NIPAL4: variants seen among roughly 807,000 people sequenced by gnomAD.
The protein encoded by NIPAL4 is NIPA like domain containing 4.
NIPAL4 carries 21 observed loss-of-function variants against 31.6 expected under a neutral mutation model. That is an observed-to-expected ratio of 0.67 (90% confidence interval 0.47 to 0.96). NIPAL4 has a LOEUF of 0.96. Ranked by LOEUF, NIPAL4 falls within the 40% of genes least tolerant of loss-of-function variation. The pLI is 0.00. For missense variants in NIPAL4, 438 were observed against 508.0 expected (o/e 0.86, Z 1.32); for synonymous variants, 175 against 211.1 (o/e 0.83, Z 1.48).
chr5:157,460,465 G>A lies in NIPAL4; in HGVS notation c.37+108G>A, dbSNP rs77243217. 114,770 of 1,134,938 alleles carry A rather than the reference G, an allele frequency of 0.1. 6,645 individuals carry two copies. Among genetic ancestry groups the A allele is most frequent in the South Asian group, 0.2 (14,889 of 75,940 alleles). The allele number at this position is 1,134,938 out of a possible 1,614,324, so 70.3% of individuals were successfully genotyped here. A position where few individuals can be genotyped will look rare whatever the true frequency, so the allele number is the denominator to read the frequency against. Reference sequence around the variant, plus strand: ...TCCTCCCAGGGGGGCCAAAGCTGGGGAGGGGCAGGGCCAGCACGAGGTGGC... The same window carrying A: ...TCCTCCCAGGGGGGCCAAAGCTGGGAAGGGGCAGGGCCAGCACGAGGTGGC... On this transcript the variant is annotated intron_variant, in intron 1 of 5. Transcript: ENST00000311946.
chr5:157,463,375 G>A, intron 2 of NIPAL4, 42 bp downstream of exon 2: 4 of 1,557,690 alleles, frequency 2.6e-6, no homozygotes, highest in Non-Finnish European at 3.5e-6. Context: ...CAGGGCAGCT[G>A]AGCTCTCACA....
rs1280851920 is a variant in NIPAL4 at position 157,474,443 on chromosome 5, CCT to C, written c.*1484_*1485del. On this transcript the variant is annotated 3_prime_UTR_variant, in exon 6 of 6. Transcript: ENST00000311946. ...GCCCCGAGGTTGGTGCAGGGCCTCC[CCT>C]GTGTGACTCTACCTGCACTCTGTGT... 1 of 152,202 alleles carries C rather than the reference CCT, an allele frequency of 6.6e-6. No individual in the cohort carries two copies. The highest frequency in any genetic ancestry group is 1.5e-5 in the Non-Finnish European group (1 of 68,048). The allele number at this position is 152,202 out of a possible 1,614,324, so 9.4% of individuals were successfully genotyped here.
chr5:157,461,095 G>A (rs1754092611), intron 1 of NIPAL4, among the ~76,000 whole-genome samples: 1 of 120,112 alleles, frequency 8.3e-6, no homozygotes, highest in South Asian at 2.4e-4. Flanking sequence ...CCTTGTCTTG[G>A]AACTGCAGGC....
chr5:157,472,575 C>A lies in NIPAL4; in HGVS notation c.830C>A (p.Thr277Asn). The change falls in exon 6 of 6, where the codon ACT (threonine) becomes AAT (asparagine). Residue 277 changes from threonine (T) to asparagine (N), a missense_variant. Physicochemically the swap from Thr to Asn is moderately conservative, Grantham distance 65. Transcript: ENST00000311946. ...LSLILALSLS[T>N]QVNFLNRALD... ...CTCATCCTGGCACTGTCCCTCAGCA[C>A]TCAGGTCAACTTCCTCAACAGAGCA... 6.2e-7 allele frequency: 1 copy of A among 1,613,950 alleles called. No individual in the cohort carries two copies.
intron 1 of NIPAL4, among the ~76,000 whole-genome samples, chr5:157,461,761 G>A (rs1754117750): frequency 6.6e-6 from 1 of 152,234 alleles, no homozygotes; most frequent in Non-Finnish European, 1.5e-5. Context: ...GCTGGATCCA[G>A]ATCTTTCACC....
At chr5:157,468,906 A>G in intron 4 of NIPAL4, 94 bp downstream of exon 4, 1 of 810,168 alleles carries the variant, frequency 1.2e-6, no homozygotes, top group South Asian at 1.8e-5. Context: ...CCACTTGGCA[A>G]TCAGGGACCT....
intron 1 of NIPAL4, among the ~76,000 whole-genome samples, 158 bp from the exon 2 acceptor site, chr5:157,462,936 C>T (rs1408372150): frequency 6.6e-6 from 1 of 152,212 alleles, no homozygotes; most frequent in East Asian, 1.9e-4. Context: ...CTAGCGTAAG[C>T]ACTCACTGAA....
Position 157,463,245 on chromosome 5 carries a change from ATTCCTGTCTAGC to A in NIPAL4, c.195_206del (p.Ser66_Leu69del). The A allele has an allele frequency of 6.2e-7, 1 of 1,614,028 alleles. No homozygotes were observed. The highest frequency in any genetic ancestry group is 8.5e-7 in the Non-Finnish European group (1 of 1,179,888). Reference sequence around the variant, plus strand: ...GCTTCTACATCGGCCTGGGCCTGGCATTCCTGTCTAGCTTCCTCATCGGCAGCAGCGTCATCC... The same window carrying A: ...GCTTCTACATCGGCCTGGGCCTGGCATTCCTCATCGGCAGCAGCGTCATCC... On this transcript the variant is annotated inframe_deletion, in exon 2 of 6. Transcript: ENST00000311946.
rs1258173126 is a variant in NIPAL4 at position 157,460,324 on chromosome 5, G to A, written c.4G>A (p.Glu2Lys). The A allele has an allele frequency of 6.5e-7, 1 of 1,548,052 alleles. No homozygotes were observed. The highest frequency in any genetic ancestry group is 1.2e-5 in the South Asian group (1 of 83,990). Residue 2 changes from glutamate (E) to lysine (K), a missense_variant, in exon 1 of 6, where the codon GAG becomes AAG. By Grantham distance (56) the Glu-to-Lys change is moderately conservative (BLOSUM62 1). Transcript: ENST00000311946. M[E>K]LRVSNTSCEN... Reference sequence around the variant, plus strand: ...CGGTTCGTGTGCCCCGGGCCCCATGGAGCTGCGGGTCAGCAACACCAGCTG... The same window carrying A: ...CGGTTCGTGTGCCCCGGGCCCCATGAAGCTGCGGGTCAGCAACACCAGCTG...
intron 2 of NIPAL4, among the ~76,000 whole-genome samples, chr5:157,464,807 G>C (rs987050371): frequency 6.6e-6 from 1 of 152,106 alleles, no homozygotes; most frequent in South Asian, 2.1e-4. Context: ...AGACTATTAG[G>C]GTTCTAATTC....
chr5:157,470,581 G>A (rs894580731), intron 4 of NIPAL4, among the ~76,000 whole-genome samples: 12 of 152,192 alleles, frequency 7.9e-5, no homozygotes, highest in African/African-American at 2.7e-4. Flanking sequence ...TAGACGGGAA[G>A]TTCCTAGCAC....
At chr5:157,471,627 C>G (rs905510751) in intron 4 of NIPAL4, 30 bp from the exon 5 acceptor site, 2 of 1,582,318 alleles carry the variant, frequency 1.3e-6, no homozygotes, top group African/African-American at 1.3e-5. Flanking sequence ...CATGGCTGCT[C>G]TAATCCCCTT....
At chr5:157,463,650 C>T (rs910059481) in intron 2 of NIPAL4, among the ~76,000 whole-genome samples, 3 of 152,138 alleles carry the variant, frequency 2.0e-5, no homozygotes, top group Non-Finnish European at 4.4e-5. Context: ...TGGTCTTGGT[C>T]TTACTTCCCA....
At chr5:157,466,466 AG>A in intron 2 of NIPAL4, among the ~76,000 whole-genome samples, 1 of 152,352 alleles carries the variant, frequency 6.6e-6, no homozygotes, top group East Asian at 1.9e-4. Flanking sequence ...TGCCATGAAA[AG>A]AAAAATAGGT....
At chr5:157,467,910 A>T (rs6878502) in intron 3 of NIPAL4, 119,034 of 151,990 alleles carry the variant, frequency 0.78, 46,919 homozygotes, top group East Asian at 0.91. Flanking sequence ...TTAATTAATT[A>T]ATTTATTTAT....
At chr5:157,471,221 G>C (rs10037184) in intron 4 of NIPAL4, among the ~76,000 whole-genome samples, 3,321 of 152,230 alleles carry the variant, frequency 0.022, 132 homozygotes, top group African/African-American at 0.075. Flanking sequence ...CTTAGAACCT[G>C]GTGACCCTGG....
intron 1 of NIPAL4, chr5:157,460,631 G>C: frequency 1.9e-6 from 1 of 533,244 alleles, no homozygotes; most frequent in East Asian, 4.7e-5. Flanking sequence ...GCATTTTGAC[G>C]ACAGCAGACA....
At position 157,460,214 on chromosome 5, in the gene NIPAL4, G is replaced by C. The variant is rs1164237054; in HGVS notation, c.-107G>C. On this transcript the variant is annotated 5_prime_UTR_variant, in exon 1 of 6. Transcript: ENST00000311946. The stretch of plus-strand genomic sequence containing the variant: ...CCACCCCTGGGTCCGGACCCCGGCG[G>C]CTTCTCGCGCGCGAGCCACGCGGGG... The C allele has an allele frequency of 1.3e-6, 2 of 1,488,170 alleles. No homozygotes were observed. The highest frequency in any genetic ancestry group is 1.8e-6 in the Non-Finnish European group (2 of 1,122,030). The allele number at this position is 1,488,170 out of a possible 1,614,324, so 92.2% of individuals were successfully genotyped here. A position where few individuals can be genotyped will look rare whatever the true frequency, so the allele number is the denominator to read the frequency against.
intron 2 of NIPAL4, 147 bp downstream of exon 2, chr5:157,463,480 G>T: frequency 1.0e-6 from 1 of 992,856 alleles, no homozygotes; most frequent in Non-Finnish European, 1.4e-6. Flanking sequence ...ACAGGGTTAG[G>T]GTTTAGGGTT....
Sources: gnomAD v4.1 joint callset for allele counts (sites outside exome capture counted in the v4.1 genomes callset) on GRCh38, gnomAD v4.1.1 for gene constraint, MANE v1.5 for transcripts, NCBI Gene and HGNC (gene_info 2026-07-23, HGNC 2026-07-21) for gene names.